MARCHF3: variants seen among roughly 807,000 people sequenced by gnomAD.
The protein encoded by MARCHF3 is E3 ubiquitin-protein ligase MARCHF3.
In MARCHF3, 13 loss-of-function variants were observed where a neutral mutation model predicts 24.2. The observed-to-expected ratio is 0.54, with a 90% CI of 0.35 to 0.85. The LOEUF is 0.85. Among genes scored for constraint, MARCHF3 ranks in the 40% least tolerant of loss-of-function variants. The pLI is 0.01. For missense variants in MARCHF3, 276 were observed against 325.0 expected, an observed-to-expected ratio of 0.85 and a Z score of 1.16; for synonymous variants, 144 against 137.3, an observed-to-expected ratio of 1.05 and a Z score of -0.34.
chr5:126,913,686 C>T (rs1754615434), intron 3 of MARCHF3, among the ~76,000 whole-genome samples: 1 of 152,196 alleles, frequency 6.6e-6, no homozygotes, highest in African/African-American at 2.4e-5. Context: ...CTAAAACAGG[C>T]CCCGGTTATA....
intron 1 of MARCHF3, among the ~76,000 whole-genome samples, chr5:127,000,693 T>C (rs1752098412): frequency 1.3e-5 from 2 of 152,102 alleles, no homozygotes; most frequent in Non-Finnish European, 2.9e-5. Context: ...TTTATTTTTA[T>C]TTTTATTTAT....
chr5:127,005,225 C>T (rs1354108795), intron 1 of MARCHF3, among the ~76,000 whole-genome samples: 1 of 149,054 alleles, frequency 6.7e-6, no homozygotes, highest in East Asian at 2.0e-4. Flanking sequence ...CAACCTCCAT[C>T]ACCCGGGTTC....
intron 3 of MARCHF3, among the ~76,000 whole-genome samples, chr5:126,890,229 C>T (rs185757140): frequency 3.3e-5 from 5 of 151,542 alleles, no homozygotes; most frequent in African/African-American, 1.2e-4. Context: ...TGCTATAAAA[C>T]TCACAGACTT....
chr5:126,875,409 G>T (rs1261779922), intron 4 of MARCHF3, among the ~76,000 whole-genome samples: 1 of 152,240 alleles, frequency 6.6e-6, no homozygotes, highest in Admixed American at 6.5e-5. Flanking sequence ...GTACCAGGGA[G>T]GCCCTTCCAG....
At chr5:126,958,572 C>T (rs1424566803) in intron 1 of MARCHF3, among the ~76,000 whole-genome samples, 3 of 152,064 alleles carry the variant, frequency 2.0e-5, no homozygotes, top group Non-Finnish European at 2.9e-5. Context: ...CTCATCACTG[C>T]CTTTAAATTA....
At chr5:126,900,703 A>ATT (rs1367764047) in intron 3 of MARCHF3, among the ~76,000 whole-genome samples, 21 of 142,618 alleles carry the variant, frequency 1.5e-4, no homozygotes, top group East Asian at 6.1e-4. Context: ...TTCTTCTTTA[A>ATT]TTTTTTTTTT....
chr5:126,947,688 T>TA (rs1750077279), intron 1 of MARCHF3, among the ~76,000 whole-genome samples: 1 of 152,142 alleles, frequency 6.6e-6, no homozygotes, highest in African/African-American at 2.4e-5. Context: ...GCTGTGAACC[T>TA]AAAACTGCTC....
At chr5:127,000,259 T>G (rs1314390986) in intron 1 of MARCHF3, among the ~76,000 whole-genome samples, 1 of 150,754 alleles carries the variant, frequency 6.6e-6, no homozygotes. Context: ...CTCAGATCTT[T>G]TTGAAAAAAA....
chr5:126,998,484 G>A lies in MARCHF3; in HGVS notation c.-57+31866C>T, dbSNP rs533474253. 1.3e-3 allele frequency among the ~76,000 whole-genome samples: 195 copies of A among 152,322 alleles called. 1 individual carries two copies. Among genetic ancestry groups the A allele is most frequent in the African/African-American group, 4.5e-3 (187 of 41,574 alleles). On this transcript the variant is annotated intron_variant, in intron 1 of 4. Transcript: ENST00000308660. ...CCTTTCACCAACATGCTTGTTCCTT[G>A]ACTTGGCTCTCAGCAAACCCCATGC... is the stretch of plus-strand genomic sequence containing the variant.
chr5:126,871,926 G>C (rs947086432), intron 4 of MARCHF3, among the ~76,000 whole-genome samples: 9 of 151,790 alleles, frequency 5.9e-5, no homozygotes, highest in African/African-American at 2.2e-4. Context: ...AGGCAGGCTG[G>C]TCTCGAACTC....
chr5:126,887,981 G>T (rs145073116), intron 3 of MARCHF3, among the ~76,000 whole-genome samples: 1 of 152,070 alleles, frequency 6.6e-6, no homozygotes, highest in African/African-American at 2.4e-5. Flanking sequence ...TCCCCAGCAG[G>T]GAAGCTCTGT....
intron 3 of MARCHF3, among the ~76,000 whole-genome samples, chr5:126,893,364 TC>T (rs1248222992): frequency 8.6e-5 from 13 of 151,324 alleles, no homozygotes; most frequent in Non-Finnish European, 1.5e-4. Flanking sequence ...CATTTCTAGT[TC>T]TTTTAATTGT....
intron 1 of MARCHF3, among the ~76,000 whole-genome samples, chr5:126,951,949 C>T (rs967710416): frequency 2.6e-5 from 4 of 152,130 alleles, no homozygotes; most frequent in Non-Finnish European, 4.4e-5. Flanking sequence ...CGGGTTCAAG[C>T]GATTAATCTG....
chr5:126,892,709 T>G (rs891426484), intron 3 of MARCHF3, among the ~76,000 whole-genome samples: 3 of 149,914 alleles, frequency 2.0e-5, no homozygotes, highest in African/African-American at 7.6e-5. Flanking sequence ...TATTGAGAAT[T>G]TTTGCATCAA....
At chr5:126,996,939 AAACTGTT>A (rs1254728281) in intron 1 of MARCHF3, among the ~76,000 whole-genome samples, 1 of 152,226 alleles carries the variant, frequency 6.6e-6, no homozygotes, top group African/African-American at 2.4e-5. Flanking sequence ...GGGTGCATAC[AAACTGTT>A]AACATTTGTT....
chr5:126,902,814 A>T (rs1201986052), intron 3 of MARCHF3, among the ~76,000 whole-genome samples: 1 of 152,084 alleles, frequency 6.6e-6, no homozygotes, highest in African/African-American at 2.4e-5. Flanking sequence ...AGGATCAAGG[A>T]TTGTTGGGGT....
chr5:126,898,299 CT>C (rs1753992911), intron 3 of MARCHF3, among the ~76,000 whole-genome samples: 1 of 152,174 alleles, frequency 6.6e-6, no homozygotes, highest in Admixed American at 6.6e-5. Flanking sequence ...CTATAGATTT[CT>C]CTAAGGAAAC....
At chr5:126,981,259 G>A (rs1207771688) in intron 1 of MARCHF3, among the ~76,000 whole-genome samples, 2 of 152,164 alleles carry the variant, frequency 1.3e-5, no homozygotes, top group African/African-American at 2.4e-5. Context: ...CAGAATAATG[G>A]AACCTCTCCT....
chr5:126,952,265 C>T (rs530586465), intron 1 of MARCHF3, among the ~76,000 whole-genome samples: 13 of 152,224 alleles, frequency 8.5e-5, no homozygotes, highest in Admixed American at 8.5e-4. Flanking sequence ...TCTAGCTAGA[C>T]TCTTTTTATT....
Sources: gnomAD v4.1 joint callset for allele counts (sites outside exome capture counted in the v4.1 genomes callset) on GRCh38, gnomAD v4.1.1 for gene constraint, MANE v1.5 for transcripts, NCBI Gene and HGNC (gene_info 2026-07-23, HGNC 2026-07-21) for gene names.